The following MYO18B variants were observed in gnomAD, a reference collection of about 807,000 sequenced individuals.
MYO18B encodes unconventional myosin-XVIIIb.
In MYO18B, 204 loss-of-function variants were observed where a neutral mutation model predicts 273.0. The ratio of observed to expected loss-of-function variants is 0.75; its 90% CI spans 0.67 to 0.84. The LOEUF (loss-of-function observed/expected upper bound fraction) is 0.84, where lower values mean the gene tolerates loss of function less well. Among genes scored for constraint, MYO18B ranks in the 40% least tolerant of loss-of-function variants. The pLI, the probability that MYO18B is intolerant of heterozygous loss-of-function variation, is 0.00. For synonymous variants in MYO18B, 1,330 were observed against 1,305.7 expected (o/e 1.02, Z -0.40); for missense variants, 3,212 against 3,287.6 (o/e 0.98, Z 0.56).
intron 25 of MYO18B, among the ~76,000 whole-genome samples, chr22:25,885,746 C>T (rs1191414530): frequency 1.3e-5 from 2 of 152,140 alleles, no homozygotes; most frequent in African/African-American, 4.8e-5. Flanking sequence ...ATTATTTCCT[C>T]TTTGTGCTGA....
chr22:25,890,911 C>T (rs530027869), intron 26 of MYO18B, 36 bp downstream of exon 26: 158 of 1,604,376 alleles, frequency 9.8e-5, no homozygotes, highest in Middle Eastern at 1.7e-4. Context: ...TGGCTGAACA[C>T]GGTGGCTAAA....
intron 42 of MYO18B, 120 bp from the exon 43 acceptor site, chr22:26,026,325 A>C: frequency 8.8e-7 from 1 of 1,133,176 alleles, no homozygotes. Context: ...AGAGTGCGGT[A>C]GGGATGGTAT....
At chr22:25,964,451 G>A (rs1384795782) in intron 39 of MYO18B, among the ~76,000 whole-genome samples, 9 of 152,178 alleles carry the variant, frequency 5.9e-5, no homozygotes, top group African/African-American at 1.2e-4. Context: ...CAGTGTTTAC[G>A]TGTTCAAGTA....
chr22:25,813,586 C>T (rs5761250), intron 12 of MYO18B, among the ~76,000 whole-genome samples: 6,829 of 152,182 alleles, frequency 0.045, 371 homozygotes, highest in African/African-American at 0.11. Context: ...AATTAAGGAG[C>T]GTGCTCTAGG....
intron 4 of MYO18B, 37 bp downstream of exon 4, chr22:25,769,465 G>C (rs773101060): frequency 1.4e-6 from 2 of 1,466,548 alleles, no homozygotes; most frequent in Non-Finnish European, 1.8e-6. Flanking sequence ...GGAAGCGGCA[G>C]ACAGGCCTCT....
chr22:25,748,260 G>A (rs1168815985), intron 1 of MYO18B, among the ~76,000 whole-genome samples: 1 of 152,174 alleles, frequency 6.6e-6, no homozygotes. Flanking sequence ...AGCTCTCTGA[G>A]AAGGAAGAAA....
intron 13 of MYO18B, among the ~76,000 whole-genome samples, chr22:25,823,927 G>A (rs982413027): frequency 2.6e-5 from 4 of 152,214 alleles, no homozygotes; most frequent in Non-Finnish European, 5.9e-5. Context: ...GCTGTGGGGA[G>A]GGGATGCCGT....
At position 25,797,941 on chromosome 22, in the gene MYO18B, C is replaced by T. The variant is rs1243727415; in HGVS notation, c.2377-12C>T. 4 of 1,614,028 alleles carry T rather than the reference C, an allele frequency of 2.5e-6. No individual in the cohort carries two copies. Among genetic ancestry groups the T allele is most frequent in the African/African-American group, 1.3e-5 (1 of 75,054 alleles). On this transcript the variant is annotated splice_polypyrimidine_tract_variant and intron_variant, in intron 11 of 43. Transcript: ENST00000335473. ...ATGGCCTTGTTTTCTTCCTCTCTCC[C>T]TTTGCCCGCAGCCTGAAGATAAACA...
the MYO18B span, among the ~76,000 whole-genome samples, chr22:26,055,018 TAGAC>T: frequency 1.3e-5 from 2 of 152,144 alleles, no homozygotes; most frequent in Non-Finnish European, 2.9e-5. Context: ...CCTGTCTTCT[TAGAC>T]AGCACAGTCT....
intron 42 of MYO18B, among the ~76,000 whole-genome samples, chr22:26,013,146 A>G (rs573741782): frequency 6.6e-6 from 1 of 152,268 alleles, no homozygotes; most frequent in East Asian, 1.9e-4. Flanking sequence ...ATGTAGCAGT[A>G]ATTCATTTAT....
At chr22:25,880,908 G>T (rs1349819010) in intron 25 of MYO18B, among the ~76,000 whole-genome samples, 1 of 152,234 alleles carries the variant, frequency 6.6e-6, no homozygotes, top group Non-Finnish European at 1.5e-5. Flanking sequence ...CTGGTGGAAA[G>T]AGTAGATATG....
At chr22:25,863,004 T>C (rs769757939) in intron 21 of MYO18B, among the ~76,000 whole-genome samples, 2 of 152,178 alleles carry the variant, frequency 1.3e-5, no homozygotes, top group Non-Finnish European at 2.9e-5. Flanking sequence ...TTTTCCTCCT[T>C]CCTATTTCTC....
Position 25,881,243 on chromosome 22 carries a change from G to T in MYO18B, c.4314+3195G>T, listed in dbSNP as rs181477566. On this transcript the variant is annotated intron_variant, in intron 25 of 43. Transcript: ENST00000335473. Reference sequence around the variant, plus strand: ...TTCTCCCCACATTAAAGTGTCAACCGTGGAGTTGGCCACGGAGAAGGCAGA... The same window carrying T: ...TTCTCCCCACATTAAAGTGTCAACCTTGGAGTTGGCCACGGAGAAGGCAGA... 2.0e-5 allele frequency among the ~76,000 whole-genome samples: 3 copies of T among 152,346 alleles called. No individual in the cohort carries two copies. The East Asian group carries it at 5.8e-4, about 29-fold the overall frequency.
chr22:25,828,509 A>ATT (rs769541770), intron 14 of MYO18B, among the ~76,000 whole-genome samples: 2 of 143,320 alleles, frequency 1.4e-5, no homozygotes, highest in African/African-American at 5.1e-5. Flanking sequence ...TAAGCTAGTC[A>ATT]TTTTTTTTTT....
At chr22:25,832,163 A>C (rs967422631) in intron 15 of MYO18B, among the ~76,000 whole-genome samples, 1 of 152,218 alleles carries the variant, frequency 6.6e-6, no homozygotes, top group Non-Finnish European at 1.5e-5. Flanking sequence ...GTGGGAATGT[A>C]AAATAGTGCA....
At chr22:25,864,357 G>T (rs28559659) in intron 21 of MYO18B, among the ~76,000 whole-genome samples, 6 of 152,144 alleles carry the variant, frequency 3.9e-5, no homozygotes, top group Admixed American at 1.3e-4. Context: ...TCTTGTTTTG[G>T]GGGGAGGGGA....
At chr22:26,048,702 A>G in the MYO18B span, among the ~76,000 whole-genome samples, 1 of 152,202 alleles carries the variant, frequency 6.6e-6, no homozygotes, top group South Asian at 2.1e-4. Context: ...CATTATTAAA[A>G]AAAAACAAAA....
chr22:25,931,194 G>A (rs751114264), intron 34 of MYO18B, among the ~76,000 whole-genome samples: 65 of 152,146 alleles, frequency 4.3e-4, no homozygotes, highest in Non-Finnish European at 8.1e-4. Flanking sequence ...ACCTCCTGTC[G>A]GAGAAGATAA....
chr22:25,885,950 A>G (rs6004810), intron 25 of MYO18B, among the ~76,000 whole-genome samples: 2,664 of 152,314 alleles, frequency 0.017, 47 homozygotes, highest in African/African-American at 0.05. Flanking sequence ...TCCAGAGCCT[A>G]TAGAGCCTTC....
Sources: allele counts gnomAD v4.1 joint callset (sites outside exome capture counted in the v4.1 genomes callset), GRCh38; gene constraint gnomAD v4.1.1; transcripts MANE v1.5; gene names NCBI Gene and HGNC (gene_info 2026-07-23, HGNC 2026-07-21).